CPNE4: variants seen among roughly 807,000 people sequenced by gnomAD.
The protein encoded by CPNE4 is copine-4.
A neutral mutation model predicts 67.9 loss-of-function variants in CPNE4; 25 were observed. That is an observed-to-expected ratio of 0.37 (90% CI 0.27 to 0.51). The LOEUF is 0.51. Ranked by LOEUF, CPNE4 falls within the 20% of genes least tolerant of loss-of-function variation. CPNE4 has a pLI of 0.93. For synonymous variants in CPNE4, 242 were observed against 244.9 expected, an observed-to-expected ratio of 0.99 and a Z score of 0.11; for missense variants, 464 against 690.8, an observed-to-expected ratio of 0.67 and a Z score of 3.68.
chr3:132,007,603 T>C (rs1173636013), intron 1 of CPNE4, among the ~76,000 whole-genome samples: 1 of 152,096 alleles, frequency 6.6e-6, no homozygotes, highest in Non-Finnish European at 1.5e-5. Flanking sequence ...ATGTGAAACC[T>C]GCACAACCAT....
chr3:131,869,701 A>G (rs997848549), intron 2 of CPNE4, among the ~76,000 whole-genome samples: 2 of 152,220 alleles, frequency 1.3e-5, no homozygotes, highest in Non-Finnish European at 1.5e-5. Flanking sequence ...CACAATCATA[A>G]CTACATAGAT....
intron 2 of CPNE4, among the ~76,000 whole-genome samples, chr3:131,724,583 G>A (rs1560186971): frequency 6.6e-6 from 1 of 152,166 alleles, no homozygotes. Context: ...ATCAGAGAAT[G>A]GGAGAACAGA....
chr3:131,845,596 G>A lies in CPNE4; in HGVS notation c.180+59668C>T, dbSNP rs1214836141. On this transcript the variant is annotated intron_variant, in intron 2 of 15. Coordinates refer to ENST00000429747, the MANE Select transcript of CPNE4 (RefSeq NM_130808.3). ...CTTTGAGAACCCACGACAGTCAAGA[G>A]ATAGAATGTGGCCCAAGGCAGTTCA... is the stretch of plus-strand genomic sequence containing the variant. 2.0e-5 allele frequency among the ~76,000 whole-genome samples: 3 copies of A among 152,268 alleles called. No homozygotes were observed. In the East Asian group the frequency reaches 5.8e-4, roughly 29 times the overall value.
At chr3:131,954,486 TAGA>T (rs943469349) in intron 1 of CPNE4, among the ~76,000 whole-genome samples, 3 of 151,592 alleles carry the variant, frequency 2.0e-5, no homozygotes, top group Middle Eastern at 3.4e-3. Context: ...ATTTTACTGG[TAGA>T]AGAACTCTTT....
intron 1 of CPNE4, among the ~76,000 whole-genome samples, chr3:131,946,474 G>A (rs1190392244): frequency 3.3e-5 from 5 of 152,122 alleles, no homozygotes; most frequent in Admixed American, 6.5e-5. Flanking sequence ...TGTGAATAGT[G>A]CAGCCCTGAA....
intron 7 of CPNE4, among the ~76,000 whole-genome samples, chr3:131,609,178 C>T (rs1939677351): frequency 6.6e-6 from 1 of 152,188 alleles, no homozygotes; most frequent in Non-Finnish European, 1.5e-5. Context: ...TAAGCTAGCT[C>T]CATGGGGCTG....
At chr3:131,989,929 T>C (rs1167837476) in intron 1 of CPNE4, among the ~76,000 whole-genome samples, 2 of 135,970 alleles carry the variant, frequency 1.5e-5, no homozygotes, top group African/African-American at 4.9e-5. Context: ...ATGTAACGCA[T>C]GGGCTCTGGG....
intron 2 of CPNE4, among the ~76,000 whole-genome samples, chr3:131,856,717 A>C (rs187261041): frequency 6.6e-6 from 1 of 151,998 alleles, no homozygotes; most frequent in African/African-American, 2.4e-5. Context: ...AACAATAAAA[A>C]TTATTAATAT....
intron 1 of CPNE4, among the ~76,000 whole-genome samples, chr3:131,940,226 T>C (rs966318393): frequency 2.0e-5 from 3 of 152,144 alleles, no homozygotes; most frequent in African/African-American, 7.2e-5. Context: ...TTTCCAACAA[T>C]GCTCATACAT....
chr3:131,766,725 G>T (rs182748885), intron 2 of CPNE4, among the ~76,000 whole-genome samples: 1 of 151,996 alleles, frequency 6.6e-6, no homozygotes. Flanking sequence ...CAAAATGCTC[G>T]TTATATTAGA....
intron 7 of CPNE4, among the ~76,000 whole-genome samples, chr3:131,653,144 T>C (rs934024815): frequency 2.6e-5 from 2 of 75,954 alleles, no homozygotes; most frequent in Admixed American, 1.2e-4. Flanking sequence ...ATAGGACTTC[T>C]TTTTTTTTTT....
At chr3:131,822,154 T>C (rs2084984475) in intron 2 of CPNE4, among the ~76,000 whole-genome samples, 1 of 152,208 alleles carries the variant, frequency 6.6e-6, no homozygotes, top group Non-Finnish European at 1.5e-5. Flanking sequence ...GGGCCAACTG[T>C]GTACAATAAA....
At chr3:131,950,982 A>C (rs1407827978) in intron 1 of CPNE4, among the ~76,000 whole-genome samples, 1 of 152,096 alleles carries the variant, frequency 6.6e-6, no homozygotes, top group Admixed American at 6.6e-5. Context: ...CTTTTTGTTC[A>C]TTTCCTGTTG....
chr3:131,926,055 T>TA (rs759469499), intron 1 of CPNE4, among the ~76,000 whole-genome samples: 4 of 152,278 alleles, frequency 2.6e-5, no homozygotes, highest in East Asian at 1.9e-4. Context: ...ATACACAAGT[T>TA]AAATAAAACA....
chr3:131,671,301 A>G (rs1010154299), intron 6 of CPNE4, among the ~76,000 whole-genome samples: 3 of 150,636 alleles, frequency 2.0e-5, no homozygotes, highest in Admixed American at 2.0e-4. Flanking sequence ...AAGGAGAATT[A>G]GGTAAAAAAT....
chr3:131,749,102 T>C (rs1261687651), intron 2 of CPNE4, among the ~76,000 whole-genome samples: 1 of 152,166 alleles, frequency 6.6e-6, no homozygotes, highest in Non-Finnish European at 1.5e-5. Flanking sequence ...TCAGCACTTC[T>C]TTAACTGCAT....
At chr3:131,894,964 T>C (rs1204589504) in intron 2 of CPNE4, among the ~76,000 whole-genome samples, 2 of 152,074 alleles carry the variant, frequency 1.3e-5, no homozygotes, top group South Asian at 2.1e-4. Flanking sequence ...TCAACCTAAA[T>C]GTCCAACAAC....
chr3:131,715,166 G>C (rs867950205), intron 3 of CPNE4, among the ~76,000 whole-genome samples: 14 of 152,296 alleles, frequency 9.2e-5, no homozygotes, highest in Admixed American at 2.6e-4. Context: ...TGCACCTTCT[G>C]GGTGCTGAGT....
chr3:131,881,679 A>C (rs1224436604), intron 2 of CPNE4, among the ~76,000 whole-genome samples: 1 of 152,134 alleles, frequency 6.6e-6, no homozygotes, highest in Non-Finnish European at 1.5e-5. Context: ...TTGTTATTCT[A>C]TACCACCTCA....
Sources: gnomAD v4.1 joint callset for allele counts (sites outside exome capture counted in the v4.1 genomes callset) on GRCh38, gnomAD v4.1.1 for gene constraint, MANE v1.5 for transcripts, NCBI Gene and HGNC (gene_info 2026-07-23, HGNC 2026-07-21) for gene names.